ANKDD1A: variants seen among roughly 807,000 people sequenced by gnomAD.
ANKDD1A encodes ankyrin repeat and death domain-containing protein 1A.
ANKDD1A carries 59 observed loss-of-function variants against 63.5 expected under a neutral mutation model. That is an observed-to-expected ratio of 0.93 (90% confidence interval 0.75 to 1.15). The LOEUF (loss-of-function observed/expected upper bound fraction) is 1.15, where lower values mean the gene tolerates loss of function less well. ANKDD1A is among the 50% of genes most tolerant of loss of function. ANKDD1A has a pLI of 0.00. For missense variants in ANKDD1A, 632 were observed against 656.4 expected (o/e 0.96, Z 0.41); for synonymous variants, 266 against 263.9 (o/e 1.01, Z -0.08).
intron 12 of ANKDD1A, among the ~76,000 whole-genome samples, chr15:64,945,771 T>C (rs1307774844): frequency 6.6e-6 from 1 of 151,306 alleles, no homozygotes; most frequent in Non-Finnish European, 1.5e-5. Context: ...TAGCTGGGAC[T>C]ACAGGTGTGT....
At chr15:64,923,192 T>C (rs2085020525) in intron 4 of ANKDD1A, among the ~76,000 whole-genome samples, 1 of 152,006 alleles carries the variant, frequency 6.6e-6, no homozygotes, top group South Asian at 2.1e-4. Context: ...TGTGATGTGA[T>C]ATGTGTGAGG....
chr15:64,945,961 C>T (rs1400383396), intron 12 of ANKDD1A, among the ~76,000 whole-genome samples: 1 of 151,972 alleles, frequency 6.6e-6, no homozygotes, highest in African/African-American at 2.4e-5. Context: ...GACATAACCC[C>T]ATCATAAGTT....
At chr15:64,953,479 C>A (rs2085341497) in intron 14 of ANKDD1A, among the ~76,000 whole-genome samples, 1 of 83,258 alleles carries the variant, frequency 1.2e-5, no homozygotes, top group Non-Finnish European at 2.6e-5. Context: ...CTTCCTCTTC[C>A]TTCTCCTTCT....
rs1018801030 is a variant in ANKDD1A at position 64,957,800 on chromosome 15, A to G, written c.*612A>G. ...CTGCTCTCAGTGAAGCATTTTATTA[A>G]AAGAATAATTATAATTAAAAAAACA... On this transcript the variant is annotated 3_prime_UTR_variant, in exon 15 of 15. Transcript: ENST00000319580. The G allele has an allele frequency of 6.6e-6, 1 of 152,228 alleles. No individual in the cohort carries two copies. The highest frequency in any genetic ancestry group is 2.4e-5 in the African/African-American group (1 of 41,448). 9.4% of individuals were successfully genotyped at this position (152,228 alleles called of 1,614,324 possible). A position where few individuals can be genotyped will look rare whatever the true frequency, so the allele number is the denominator to read the frequency against.
chr15:64,950,755 C>T (rs1339044701), intron 14 of ANKDD1A: 3 of 791,456 alleles, frequency 3.8e-6, no homozygotes, highest in Admixed American at 9.8e-5. Flanking sequence ...CCCCCCATAG[C>T]TGCTATAGGC....
At chr15:64,949,996 G>C in intron 14 of ANKDD1A, 24 bp downstream of exon 14, 1 of 1,602,870 alleles carries the variant, frequency 6.2e-7, no homozygotes, top group Non-Finnish European at 8.5e-7. Flanking sequence ...CTGCTGGGCT[G>C]CTTCTCAGGA....
chr15:64,926,853 C>T, intron 5 of ANKDD1A, 48 bp from the exon 6 acceptor site: 1 of 1,599,870 alleles, frequency 6.3e-7, no homozygotes, highest in South Asian at 1.1e-5. Context: ...GGCAGGTATG[C>T]CCACTGACAG....
chr15:64,950,864 C>T, intron 14 of ANKDD1A: 2 of 1,154,860 alleles, frequency 1.7e-6, no homozygotes, highest in South Asian at 1.7e-5. Flanking sequence ...CATCTTTTAA[C>T]ACAAACTGTG....
At chr15:64,951,397 C>A in intron 14 of ANKDD1A, 1 of 168,838 alleles carries the variant, frequency 5.9e-6, no homozygotes, top group Non-Finnish European at 7.4e-6. Flanking sequence ...TCTTCTTCCT[C>A]TTTTTTCTTT....
In ANKDD1A at chr15:64,942,491, G is replaced by T. The variant is rs549441477; in HGVS notation, c.892G>T (p.Ala298Ser). ...GCAGGGTGCCTCTCCTCTGCACCTC[G>T]CTGTGAGGCACAACTTCCCTGCCTT... ...DHQGASPLHL[A>S]VRHNFPALVR... The change falls in exon 10 of 15, where the codon GCT becomes TCT. Residue 298 changes from alanine (A) to serine (S), a missense_variant. Ala to Ser is a moderately conservative substitution (Grantham distance 99). Coordinates refer to ENST00000319580, the MANE Select transcript of ANKDD1A (RefSeq NM_182703.6). 1.9e-6 allele frequency: 3 copies of T among 1,613,310 alleles called. No homozygotes were observed. The highest frequency in any genetic ancestry group is 2.2e-5 in the South Asian group (2 of 90,952).
At position 64,944,072 on chromosome 15, in the gene ANKDD1A, C is replaced by T. The variant is rs755275077; in HGVS notation, c.1065+490C>T. ...AGGGGCACCTGCACATGTGACTCAG[C>T]GAGGCCAGCCTAGTATGGTGTGGGG... On this transcript the variant is annotated intron_variant, in intron 11 of 14. Coordinates refer to ENST00000319580, the MANE Select transcript of ANKDD1A (RefSeq NM_182703.6). 5.3e-5 allele frequency among the ~76,000 whole-genome samples: 8 copies of T among 152,278 alleles called. No individual in the cohort carries two copies. The South Asian group carries it at 6.2e-4, about 12-fold the overall frequency.
chr15:64,952,364 CTTT>C (rs1448712002), intron 14 of ANKDD1A, among the ~76,000 whole-genome samples: 2 of 133,018 alleles, frequency 1.5e-5, no homozygotes, highest in African/African-American at 3.1e-5. Flanking sequence ...CCTCCTTCTT[CTTT>C]CTTCTTCCTC....
At chr15:64,937,223 T>C (rs1296889463) in intron 9 of ANKDD1A, among the ~76,000 whole-genome samples, 1 of 152,178 alleles carries the variant, frequency 6.6e-6, no homozygotes, top group Non-Finnish European at 1.5e-5. Flanking sequence ...TACCAATATG[T>C]ATAAAACTTA....
At chr15:64,951,107 T>A in intron 14 of ANKDD1A, 1 of 1,173,482 alleles carries the variant, frequency 8.5e-7, no homozygotes, top group Non-Finnish European at 1.1e-6. Flanking sequence ...TTTTAAAAAA[T>A]CACTGTTAAC....
In ANKDD1A at chr15:64,944,549, G is replaced by A; in HGVS notation, c.1066-103G>A. ...TTTCTGCTCTCAGCGTAGACTGCTG[G>A]AAAGCACTTCCTGTGGGCAGGAGGG... On this transcript the variant is annotated intron_variant, in intron 11 of 14. Transcript: ENST00000319580. 4.7e-6 allele frequency: 5 copies of A among 1,067,520 alleles called. No individual in the cohort carries two copies. In the South Asian group the frequency reaches 7.8e-5, roughly 17 times the overall value. 66.1% of individuals were successfully genotyped at this position (1,067,520 alleles called of 1,614,324 possible). A position where few individuals can be genotyped will look rare whatever the true frequency, so the allele number is the denominator to read the frequency against.
rs747446496 is a variant in ANKDD1A at position 64,947,427 on chromosome 15, G to A, written c.1185G>A (p.Gly395=). The change falls in exon 13 of 15, where the codon GGG becomes GGA. Residue 395 remains glycine (G), a synonymous_variant. Coordinates refer to ENST00000319580, the MANE Select transcript of ANKDD1A (RefSeq NM_182703.6). ...WEKDHPSDPS[G]KSLSFKQDHR... The stretch of plus-strand genomic sequence containing the variant: ...AGGACCACCCCAGTGATCCCTCTGG[G>A]AAGAGCTTGTCCTTTAAGCAGGACC... 1.2e-6 allele frequency: 2 copies of A among 1,613,860 alleles called. No homozygotes were observed. The highest frequency in any genetic ancestry group is 1.3e-5 in the African/African-American group (1 of 74,932).
intron 12 of ANKDD1A, 84 bp downstream of exon 12, chr15:64,944,831 C>CCTG: frequency 7.4e-7 from 1 of 1,344,116 alleles, no homozygotes. Context: ...AACCCTAGGC[C>CCTG]TGACCAATTC....
intron 8 of ANKDD1A, among the ~76,000 whole-genome samples, chr15:64,933,172 G>A (rs2085103925): frequency 6.6e-6 from 1 of 152,082 alleles, no homozygotes; most frequent in Non-Finnish European, 1.5e-5. Context: ...ACTGGGAGAT[G>A]GACTGAGTCC....
chr15:64,953,856 C>CTTTT (rs2085363021), intron 14 of ANKDD1A, among the ~76,000 whole-genome samples: 25 of 70,656 alleles, frequency 3.5e-4, no homozygotes, highest in African/African-American at 5.4e-4. Flanking sequence ...CTTCTTTCCT[C>CTTTT]TTCTTCCTCT....
Sources: gnomAD v4.1 joint callset for allele counts (sites outside exome capture counted in the v4.1 genomes callset) on GRCh38, gnomAD v4.1.1 for gene constraint, MANE v1.5 for transcripts, NCBI Gene and HGNC (gene_info 2026-07-23, HGNC 2026-07-21) for gene names.